The following TTC7B variants were observed in gnomAD, a reference collection of about 807,000 sequenced individuals.
TTC7B encodes the protein tetratricopeptide repeat domain 7B.
Under a neutral mutation model 106.8 loss-of-function variants are expected in TTC7B, and 28 were observed. The observed-to-expected ratio is 0.26, with a 90% confidence interval of 0.19 to 0.36. The LOEUF (loss-of-function observed/expected upper bound fraction) is 0.36. TTC7B is among the 10% of genes least tolerant of loss of function. The pLI is 1.00. For synonymous variants in TTC7B, 405 were observed against 430.6 expected (o/e 0.94, Z 0.74); for missense variants, 862 against 1,076.4 (o/e 0.80, Z 2.79).
At chr14:90,751,561 A>T (rs1890135861) in intron 3 of TTC7B, among the ~76,000 whole-genome samples, 1 of 151,892 alleles carries the variant, frequency 6.6e-6, no homozygotes. Context: ...ACACCTTGCT[A>T]ATTTCTTTTT....
chr14:90,637,187 G>GA lies in TTC7B; in HGVS notation c.1751+6860dup, dbSNP rs564506989. On this transcript the variant is annotated intron_variant, in intron 15 of 19. Coordinates refer to ENST00000328459, the MANE Select transcript of TTC7B (RefSeq NM_001010854.2). The stretch of plus-strand genomic sequence containing the variant: ...AGGTGCATTAAACAATATTAGAATT[G>GA]AAAAAAACTTAACCAACAAATGCCA... Among the ~76,000 whole-genome samples the GA allele has an allele frequency of 5.9e-5, 9 of 151,478 alleles. No homozygotes were observed. The East Asian group carries it at 1.5e-3, about 26-fold the overall frequency.
intron 5 of TTC7B, among the ~76,000 whole-genome samples, chr14:90,710,205 G>C (rs1258042462): frequency 6.6e-6 from 1 of 152,126 alleles, no homozygotes; most frequent in East Asian, 1.9e-4. Context: ...GACTTTGAGG[G>C]CTTCAAATCT....
intron 19 of TTC7B, among the ~76,000 whole-genome samples, chr14:90,552,283 C>T (rs1014815299): frequency 6.6e-6 from 1 of 152,244 alleles, no homozygotes; most frequent in African/African-American, 2.4e-5. Flanking sequence ...ACCTTCTGGG[C>T]ACCAGGCAGG....
intron 9 of TTC7B, among the ~76,000 whole-genome samples, chr14:90,665,497 T>C (rs150539024): frequency 3.9e-5 from 6 of 152,336 alleles, no homozygotes; most frequent in African/African-American, 1.4e-4. Context: ...ATTACCTCCC[T>C]AGTACACAAA....
rs1342552979 is a variant in TTC7B at position 90,570,942 on chromosome 14, C to G, written c.2310+7164G>C. On this transcript the variant is annotated intron_variant, in intron 19 of 19. Transcript: ENST00000328459. The surrounding 1 kb of genome is among the most constrained non-coding windows in gnomAD (Gnocchi z 4.0). ...ACAGCTGGGACTGGAACCCAGGCAG[C>G]TGGCGCCAGCACCGTGCTCCCGATC... Among the ~76,000 whole-genome samples the G allele has an allele frequency of 6.6e-6, 1 of 152,192 alleles. No homozygotes were observed. Among genetic ancestry groups the G allele is most frequent in the Non-Finnish European group, 1.5e-5 (1 of 68,034 alleles).
intron 6 of TTC7B, among the ~76,000 whole-genome samples, chr14:90,692,272 A>G (rs866854016): frequency 1.8e-4 from 27 of 152,184 alleles, no homozygotes; most frequent in Non-Finnish European, 7.3e-5. Flanking sequence ...CAGTGGTGCA[A>G]TCACACATAG....
chr14:90,602,300 A>G, intron 17 of TTC7B: 1 of 445,892 alleles, frequency 2.2e-6, no homozygotes, highest in South Asian at 1.6e-5. Context: ...ATGAAGCACT[A>G]GGCAGGAGAT....
chr14:90,671,793 G>A (rs1280351505), intron 9 of TTC7B, among the ~76,000 whole-genome samples: 2 of 152,220 alleles, frequency 1.3e-5, no homozygotes, highest in Non-Finnish European at 2.9e-5. Flanking sequence ...GCATCTGGCT[G>A]AAAAGTCCAT....
At chr14:90,784,426 G>A (rs910995194) in intron 2 of TTC7B, among the ~76,000 whole-genome samples, 8 of 151,970 alleles carry the variant, frequency 5.3e-5, no homozygotes, top group East Asian at 3.9e-4. Flanking sequence ...GCGTGGTGGC[G>A]GGTGCCTGTA....
At chr14:90,631,828 A>T (rs1425534237) in intron 15 of TTC7B, among the ~76,000 whole-genome samples, 1 of 152,166 alleles carries the variant, frequency 6.6e-6, no homozygotes, top group African/African-American at 2.4e-5. Context: ...ATGAAGTGGT[A>T]TCTCATTGTG....
At position 90,805,539 on chromosome 14, in the gene TTC7B, T is replaced by C. The variant is rs905559052; in HGVS notation, c.121+10636A>G. Among the ~76,000 whole-genome samples the C allele has an allele frequency of 2.6e-5, 4 of 152,186 alleles. No homozygotes were observed. Among genetic ancestry groups the C allele is most frequent in the Non-Finnish European group, 5.9e-5 (4 of 68,028 alleles). ...CCGTGGCCTCCCAAACTGCTGGGAT[T>C]GCAGGCATGAGCCACCGCGCCCGGC... On this transcript the variant is annotated intron_variant, in intron 1 of 19. Coordinates refer to ENST00000328459, the MANE Select transcript of TTC7B (RefSeq NM_001010854.2). This position sits in a 1 kb window ranked among gnomAD's most constrained non-coding sequence, Gnocchi z 4.0.
intron 1 of TTC7B, among the ~76,000 whole-genome samples, chr14:90,803,310 G>A (rs2030394169): frequency 6.6e-6 from 1 of 152,116 alleles, no homozygotes; most frequent in South Asian, 2.1e-4. Flanking sequence ...TGTTCTAGCT[G>A]CAGTGCTTGG....
rs1032455605 is a variant in TTC7B at position 90,608,488 on chromosome 14, C to G, written c.1966+2254G>C. 6.6e-6 allele frequency among the ~76,000 whole-genome samples: 1 copy of G among 152,134 alleles called. No homozygotes were observed. Among genetic ancestry groups the G allele is most frequent in the African/African-American group, 2.4e-5 (1 of 41,420 alleles). ...CAGTGCCTGGGAGGCTGTGGCTTCC[C>G]TGTTGTTGAGGAAGGGCATAGGAGC... On this transcript the variant is annotated intron_variant, in intron 17 of 19. Transcript: ENST00000328459. The surrounding 1 kb of genome is among the most constrained non-coding windows in gnomAD (Gnocchi z 5.1).
In TTC7B at chr14:90,677,484, A is replaced by G. The variant is rs1886886259; in HGVS notation, c.1015-824T>C. 2.0e-5 allele frequency among the ~76,000 whole-genome samples: 3 copies of G among 152,226 alleles called. No homozygotes were observed. The South Asian group carries it at 6.2e-4, about 31-fold the overall frequency. On this transcript the variant is annotated intron_variant, in intron 8 of 19. Coordinates refer to ENST00000328459, the MANE Select transcript of TTC7B (RefSeq NM_001010854.2). ...CTACAGATTCCTCCAAATATATCAC[A>G]TGTCTGAGACTCAACAGCTAGCTCA...
At chr14:90,633,870 A>C (rs72691742) in intron 15 of TTC7B, among the ~76,000 whole-genome samples, 1 of 151,910 alleles carries the variant, frequency 6.6e-6, no homozygotes, top group Non-Finnish European at 1.5e-5. Context: ...GTACTTTGTT[A>C]ATTTTTTTTT....
intron 17 of TTC7B, among the ~76,000 whole-genome samples, chr14:90,596,552 T>C (rs1892211232): frequency 6.6e-6 from 1 of 152,218 alleles, no homozygotes. Flanking sequence ...AACACTAGTC[T>C]GATTCCAAAT....
intron 3 of TTC7B, among the ~76,000 whole-genome samples, chr14:90,752,482 T>C (rs1890167700): frequency 6.6e-6 from 1 of 152,214 alleles, no homozygotes; most frequent in Non-Finnish European, 1.5e-5. Flanking sequence ...ACACATCTCA[T>C]TGCCTGAAAA....
intron 1 of TTC7B, among the ~76,000 whole-genome samples, chr14:90,804,742 C>G (rs951193742): frequency 2.6e-5 from 4 of 152,244 alleles, no homozygotes; most frequent in African/African-American, 9.6e-5. Flanking sequence ...CGACTGGACA[C>G]TCGCTGGGGC....
chr14:90,772,898 T>C (rs1890910243), intron 3 of TTC7B: 1 of 151,416 alleles, frequency 6.6e-6, no homozygotes, highest in Admixed American at 6.6e-5. Context: ...GAGACAGAGG[T>C]TGCAGTGAGC....
Sources: allele counts gnomAD v4.1 joint callset (sites outside exome capture counted in the v4.1 genomes callset), GRCh38; gene constraint gnomAD v4.1.1; non-coding constraint Gnocchi (gnomAD v3.1); transcripts MANE v1.5; gene names NCBI Gene and HGNC (gene_info 2026-07-23, HGNC 2026-07-21).